The following ELAPOR1 variants were observed in gnomAD, a reference collection of about 807,000 sequenced individuals.
The protein encoded by ELAPOR1 is endosome-lysosome associated apoptosis and autophagy regulator 1.
A neutral mutation model predicts 119.7 loss-of-function variants in ELAPOR1; 77 were observed. The ratio of observed to expected loss-of-function variants is 0.64; its 90% CI spans 0.54 to 0.78. The LOEUF (loss-of-function observed/expected upper bound fraction) is 0.78. Ranked by LOEUF, ELAPOR1 falls within the 30% of genes least tolerant of loss-of-function variation. ELAPOR1 has a pLI of 0.00. For synonymous variants in ELAPOR1, 481 were observed against 487.2 expected, an observed-to-expected ratio of 0.99 and a Z score of 0.17; for missense variants, 1,115 against 1,270.4, an observed-to-expected ratio of 0.88 and a Z score of 1.86.
At chr1:109,167,470 C>T (rs1411874616) in intron 3 of ELAPOR1, among the ~76,000 whole-genome samples, 2 of 152,182 alleles carry the variant, frequency 1.3e-5, no homozygotes, top group East Asian at 1.9e-4. Flanking sequence ...ATACCTAGAG[C>T]GCAAGTATTT....
chr1:109,118,309 T>TG (rs1256259969), intron 1 of ELAPOR1, among the ~76,000 whole-genome samples: 2 of 152,154 alleles, frequency 1.3e-5, no homozygotes, highest in Admixed American at 1.3e-4. Flanking sequence ...TCCTGGGACT[T>TG]GCAAGCAGAC....
chr1:109,141,000 C>A (rs1416027594), intron 1 of ELAPOR1, among the ~76,000 whole-genome samples: 4 of 151,908 alleles, frequency 2.6e-5, no homozygotes. Flanking sequence ...TACAGGCATG[C>A]ACCACCACAT....
intron 7 of ELAPOR1, among the ~76,000 whole-genome samples, chr1:109,174,434 AAAAAAAAAAAAAAAT>A (rs1475305087): frequency 8.2e-5 from 12 of 145,592 alleles, no homozygotes; most frequent in African/African-American, 3.1e-4. Context: ...AAAAAAAAAA[AAAAAAAAAAAAAAAT>A]CATTCAATAA....
chr1:109,185,575 G>C, intron 8 of ELAPOR1, among the ~76,000 whole-genome samples: 1 of 152,250 alleles, frequency 6.6e-6, no homozygotes, highest in South Asian at 2.1e-4. Flanking sequence ...TTTCCTCCAG[G>C]CTTTCTGCTT....
chr1:109,130,981 A>T (rs1467893786), intron 1 of ELAPOR1, among the ~76,000 whole-genome samples: 2 of 152,184 alleles, frequency 1.3e-5, no homozygotes, highest in Non-Finnish European at 2.9e-5. Context: ...CTAAAAATAA[A>T]TACCAAATAC....
intron 11 of ELAPOR1, among the ~76,000 whole-genome samples, 163 bp from the exon 12 acceptor site, chr1:109,191,203 T>C (rs1431184984): frequency 1.3e-5 from 2 of 152,152 alleles, no homozygotes; most frequent in Non-Finnish European, 2.9e-5. Flanking sequence ...TTTGGCTAGG[T>C]CAAGGTCACA....
chr1:109,188,088 C>A, intron 8 of ELAPOR1, 89 bp from the exon 9 acceptor site: 1 of 1,499,012 alleles, frequency 6.7e-7, no homozygotes, highest in Non-Finnish European at 8.9e-7. Context: ...GAATCTGGAT[C>A]TCTGCCCCCA....
intron 1 of ELAPOR1, among the ~76,000 whole-genome samples, chr1:109,160,034 T>C (rs1219331745): frequency 5.3e-5 from 8 of 152,210 alleles, no homozygotes; most frequent in Non-Finnish European, 1.2e-4. Flanking sequence ...ACAAGAATTA[T>C]TGGGAAAAAT....
At chr1:109,119,824 G>A (rs1570594934) in intron 1 of ELAPOR1, among the ~76,000 whole-genome samples, 1 of 152,258 alleles carries the variant, frequency 6.6e-6, no homozygotes. Context: ...GTTTCTTGAA[G>A]GTATAAGCCT....
At chr1:109,198,216 G>A in intron 17 of ELAPOR1, 141 bp downstream of exon 17, 1 of 696,514 alleles carries the variant, frequency 1.4e-6, no homozygotes, top group Non-Finnish European at 2.5e-6. Context: ...AGTCATGATA[G>A]CTAAGGGCTG....
At chr1:109,119,946 G>C (rs1021332906) in intron 1 of ELAPOR1, among the ~76,000 whole-genome samples, 9 of 152,150 alleles carry the variant, frequency 5.9e-5, no homozygotes, top group Admixed American at 5.2e-4. Context: ...AGTGACTCCA[G>C]AGATTGGGAT....
intron 1 of ELAPOR1, among the ~76,000 whole-genome samples, chr1:109,160,773 G>C (rs922131595): frequency 6.6e-6 from 1 of 151,908 alleles, no homozygotes; most frequent in Non-Finnish European, 1.5e-5. Context: ...TAAAATACTT[G>C]TCAGAGCCAA....
At chr1:109,177,688 C>G (rs1652435303) in intron 7 of ELAPOR1, among the ~76,000 whole-genome samples, 2 of 152,026 alleles carry the variant, frequency 1.3e-5, no homozygotes, top group African/African-American at 4.8e-5. Flanking sequence ...AAGTTTTTAT[C>G]TGTAAGTCTA....
At chr1:109,182,180 A>G (rs976341213) in intron 7 of ELAPOR1, among the ~76,000 whole-genome samples, 5 of 152,040 alleles carry the variant, frequency 3.3e-5, no homozygotes, top group African/African-American at 1.2e-4. Context: ...AAATACAAAA[A>G]TTAGCTGGAT....
At chr1:109,137,879 G>A (rs10494104) in intron 1 of ELAPOR1, among the ~76,000 whole-genome samples, 16,452 of 152,214 alleles carry the variant, frequency 0.11, 1,295 homozygotes, top group African/African-American at 0.22. Context: ...AATCCAAAAA[G>A]TATAAAGGGA....
chr1:109,182,881 A>C (rs1652782510), intron 7 of ELAPOR1, among the ~76,000 whole-genome samples: 1 of 151,946 alleles, frequency 6.6e-6, no homozygotes, highest in South Asian at 2.1e-4. Context: ...AAAAAAAAAA[A>C]AAAAATCTCA....
chr1:109,149,753 A>C (rs1479950434), intron 1 of ELAPOR1, among the ~76,000 whole-genome samples: 1 of 152,230 alleles, frequency 6.6e-6, no homozygotes, highest in African/African-American at 2.4e-5. Flanking sequence ...CAAATAGTAA[A>C]GGTATAAAGT....
intron 7 of ELAPOR1, among the ~76,000 whole-genome samples, chr1:109,182,595 C>T (rs56804151): frequency 0.24 from 36,614 of 151,448 alleles, 4,676 homozygotes; most frequent in East Asian, 0.52. Flanking sequence ...AGGCCGGGAG[C>T]GGTGGCTCAC....
chr1:109,182,822 G>C (rs1334897837), intron 7 of ELAPOR1, among the ~76,000 whole-genome samples: 1 of 148,820 alleles, frequency 6.7e-6, no homozygotes, highest in Non-Finnish European at 1.5e-5. Flanking sequence ...AGCCGAGATC[G>C]TGCCACTGCA....
Sources: allele counts gnomAD v4.1 joint callset (sites outside exome capture counted in the v4.1 genomes callset), GRCh38; gene constraint gnomAD v4.1.1; transcripts MANE v1.5; gene names NCBI Gene and HGNC (gene_info 2026-07-23, HGNC 2026-07-21).